STS: variants seen among roughly 807,000 people sequenced by gnomAD.
The protein encoded by STS is steryl-sulfatase.
STS carries 7 observed loss-of-function variants against 26.8 expected under a neutral mutation model. The ratio of observed to expected loss-of-function variants is 0.26; its 90% CI spans 0.15 to 0.49. STS has a LOEUF of 0.49. STS is among the 20% of genes least tolerant of loss of function. The pLI, the probability that STS is intolerant of heterozygous loss-of-function variation, is 0.98. For synonymous variants in STS, 199 were observed against 189.4 expected (o/e 1.05, Z -0.42); for missense variants, 434 against 465.6 (o/e 0.93, Z 0.63).
intron 10 of STS, among the ~76,000 whole-genome samples, chrX:7,341,852 G>A (rs758784478): frequency 4.7e-5 from 5 of 105,281 alleles, no homozygotes; most frequent in South Asian, 4.3e-4. Context: ...TGCTCTTGTT[G>A]CCCAGGCTGA....
intron 2 of STS, among the ~76,000 whole-genome samples, chrX:7,251,762 T>C (rs1205954940): frequency 9.0e-5 from 10 of 111,359 alleles, no homozygotes; most frequent in Non-Finnish European, 1.5e-4. Context: ...TCAAGACCAG[T>C]TTGGGTAACA....
chrX:7,160,826 TGTATCCTAAAGAGTGGAAATAC>T (rs1933225888), intron 1 of STS, among the ~76,000 whole-genome samples: 1 of 112,387 alleles, frequency 8.9e-6, no homozygotes, highest in Non-Finnish European at 1.9e-5. Flanking sequence ...TTAATATGTA[TGTATCCTAAAGAGTGGAAATAC>T]GTATCCTAAA....
chrX:7,279,716 T>A (rs1217123176), intron 7 of STS, among the ~76,000 whole-genome samples: 1 of 109,890 alleles, frequency 9.1e-6, no homozygotes, highest in African/African-American at 3.3e-5. Flanking sequence ...GGATCTTAGG[T>A]AGATAAAAGA....
chrX:7,340,857 G>T (rs979748376), intron 10 of STS, among the ~76,000 whole-genome samples: 1 of 111,383 alleles, frequency 9.0e-6, no homozygotes, highest in South Asian at 3.8e-4. Flanking sequence ...ATACAATGGC[G>T]GGACGGATGG....
chrX:7,179,581 G>A (rs780769140), intron 1 of STS, among the ~76,000 whole-genome samples: 15 of 112,486 alleles, frequency 1.3e-4, no homozygotes, highest in Non-Finnish European at 1.3e-4. Flanking sequence ...AAAACCAACC[G>A]GCAGTGAACA....
intron 10 of STS, among the ~76,000 whole-genome samples, chrX:7,336,219 T>A (rs1042099731): frequency 1.9e-5 from 2 of 104,666 alleles, no homozygotes; most frequent in Admixed American, 2.1e-4. Context: ...TTTGGAGCTC[T>A]GCTTCTAGAA....
intron 1 of STS, among the ~76,000 whole-genome samples, chrX:7,164,432 C>T (rs1933309171): frequency 9.0e-6 from 1 of 110,906 alleles, no homozygotes; most frequent in African/African-American, 3.3e-5. Context: ...TGTAAAACCT[C>T]CTTCCTTTTC....
At chrX:7,340,228 C>T (rs1016670660) in intron 10 of STS, among the ~76,000 whole-genome samples, 7 of 111,037 alleles carry the variant, frequency 6.3e-5, no homozygotes, top group Non-Finnish European at 9.4e-5. Context: ...CAGTATTTTA[C>T]ACATCTCTTT....
At position 7,259,471 on chromosome X, in the gene STS, G is replaced by A; in HGVS notation, c.505G>A (p.Glu169Lys). 1.7e-6 allele frequency: 2 copies of A among 1,211,775 alleles called. No individual in the cohort carries two copies. The highest frequency in any genetic ancestry group is 2.2e-6 in the Non-Finnish European group (2 of 895,425). The stretch of plus-strand genomic sequence containing the variant: ...CAATCTGAGAGACTGCAAGCCCGGA[G>A]AGGGCAGTGTCTTCACCACGGGCTT... ...LTNLRDCKPG[E>K]GSVFTTGFKR... The change falls in exon 6 of 11, where the codon GAG (glutamate) becomes AAG (lysine). Residue 169 changes from glutamate to lysine, a missense_variant. Around this residue, in one of 2 missense-constraint regions of STS, gnomAD observed 229 missense variants for 288.3 expected, o/e 0.79. Coordinates refer to ENST00000674429, the MANE Select transcript of STS (RefSeq NM_001320752.2).
chrX:7,284,027 A>T (rs1025326416), intron 7 of STS, among the ~76,000 whole-genome samples: 2 of 111,127 alleles, frequency 1.8e-5, no homozygotes, highest in Non-Finnish European at 3.8e-5. Flanking sequence ...ACCAGCAAAG[A>T]TGCCATGCAC....
chrX:7,157,397 A>G (rs1267529391), intron 1 of STS, among the ~76,000 whole-genome samples: 1 of 111,270 alleles, frequency 9.0e-6, no homozygotes, highest in African/African-American at 3.3e-5. Context: ...CCAAGTATGA[A>G]GACATGCCCA....
chrX:7,337,431 A>T (rs1312463325), intron 10 of STS, among the ~76,000 whole-genome samples: 4 of 111,800 alleles, frequency 3.6e-5, no homozygotes, highest in African/African-American at 1.3e-4. Flanking sequence ...GCTTTCTGTC[A>T]CCTGGGGAAG....
At chrX:7,281,467 A>C (rs779447328) in intron 7 of STS, among the ~76,000 whole-genome samples, 2 of 111,805 alleles carry the variant, frequency 1.8e-5, no homozygotes, top group African/African-American at 3.3e-5. Context: ...ACAGAGAACC[A>C]ACCTGGAGGA....
At chrX:7,315,248 G>A (rs1294884006) in intron 8 of STS, among the ~76,000 whole-genome samples, 2 of 112,363 alleles carry the variant, frequency 1.8e-5, no homozygotes, top group African/African-American at 6.5e-5. Flanking sequence ...TGTTGATACT[G>A]TTGGAATGAG....
At chrX:7,305,910 G>A (rs1926192490) in intron 8 of STS, among the ~76,000 whole-genome samples, 1 of 112,043 alleles carries the variant, frequency 8.9e-6, no homozygotes, top group African/African-American at 3.3e-5. Flanking sequence ...TTGCCATGGG[G>A]TGTAACATAT....
At chrX:7,326,603 T>C (rs181188582) in intron 9 of STS, among the ~76,000 whole-genome samples, 14 of 112,476 alleles carry the variant, frequency 1.2e-4, no homozygotes, top group South Asian at 7.4e-4. Context: ...CTCTTAAATT[T>C]AAATACGACT....
chrX:7,163,733 T>C (rs1933294427), intron 1 of STS, among the ~76,000 whole-genome samples: 1 of 112,799 alleles, frequency 8.9e-6, no homozygotes, highest in African/African-American at 3.2e-5. Context: ...TACTTGGCAG[T>C]GACACCAGCT....
chrX:7,254,563 CT>C (rs1183662298), intron 3 of STS, among the ~76,000 whole-genome samples: 2 of 93,018 alleles, frequency 2.2e-5, no homozygotes, highest in Non-Finnish European at 4.4e-5. Context: ...TTTCTTTTTT[CT>C]TTTTTTCTTC....
In STS at chrX:7,263,276, C is replaced by G. The variant is rs967916128; in HGVS notation, c.806+3504C>G. ...TAGAGACAGGGTTTCACCATGTTGA[C>G]CAGGCTGGTCTCGAACTCCTGACCT... is the stretch of plus-strand genomic sequence containing the variant. On this transcript the variant is annotated intron_variant, in intron 6 of 10. Coordinates refer to ENST00000674429, the MANE Select transcript of STS (RefSeq NM_001320752.2). 2.7e-5 allele frequency among the ~76,000 whole-genome samples: 3 copies of G among 111,821 alleles called. No individual in the cohort carries two copies. In the Admixed American group the frequency reaches 2.8e-4, roughly 11 times the overall value.
Sources: allele counts gnomAD v4.1 joint callset (sites outside exome capture counted in the v4.1 genomes callset), GRCh38; gene constraint gnomAD v4.1.1; regional missense constraint gnomAD v4.1.1; transcripts MANE v1.5; gene names NCBI Gene and HGNC (gene_info 2026-07-23, HGNC 2026-07-21).